EIF3E: variants seen among roughly 807,000 people sequenced by gnomAD.
EIF3E encodes the protein eIF-3 p48.
A neutral mutation model predicts 59.3 loss-of-function variants in EIF3E; 25 were observed. That is an observed-to-expected ratio of 0.42 (90% CI 0.31 to 0.59). The LOEUF is 0.59. Among genes scored for constraint, EIF3E ranks in the 20% least tolerant of loss-of-function variants. EIF3E has a pLI of 0.15. For synonymous variants in EIF3E, 176 were observed against 170.2 expected (o/e 1.03, Z -0.26); for missense variants, 317 against 534.3 (o/e 0.59, Z 4.01).
intron 6 of EIF3E, among the ~76,000 whole-genome samples, 172 bp from the exon 7 acceptor site, chr8:108,228,563 T>G (rs930786985): frequency 2.6e-5 from 4 of 152,194 alleles, no homozygotes; most frequent in Admixed American, 6.5e-5. Flanking sequence ...ACATGATCCC[T>G]CGACATTCCA....
Position 108,228,362 on chromosome 8 carries a change from C to A in EIF3E, c.627G>T (p.Gln209His). ...ACCAGTGAATGAGCCATGTTCTCTG[C>A]TGAAGAGACTGAAGTGGAGAACTCA... is the stretch of plus-strand genomic sequence containing the variant. ...NSVSSPLQSL[Q>H]QRTWLIHWSL... is the part of the protein sequence containing the mutation. Residue 209 changes from glutamine (Q) to histidine (H), a missense_variant, in exon 7 of 13, where the codon CAG (glutamine) becomes CAT (histidine). Coordinates refer to ENST00000220849, the MANE Select transcript of EIF3E (RefSeq NM_001568.3). 1.3e-6 allele frequency: 2 copies of A among 1,581,142 alleles called. No homozygotes were observed. The highest frequency in any genetic ancestry group is 8.6e-7 in the Non-Finnish European group (1 of 1,163,662).
Position 108,225,315 on chromosome 8 carries a change from CTT to C in EIF3E, c.722+2950_722+2951del, listed in dbSNP as rs766948412. On this transcript the variant is annotated intron_variant, in intron 7 of 12. Transcript: ENST00000220849. Reference sequence around the variant, plus strand: ...GTATCAGCCACTGGGAGCTTGAAAGCTTTCCAATGCTTAAACCCGTTTCTATG... The same window carrying C: ...GTATCAGCCACTGGGAGCTTGAAAGCTCCAATGCTTAAACCCGTTTCTATG... Among the ~76,000 whole-genome samples, 51 of 151,510 alleles carry C rather than the reference CTT, an allele frequency of 3.4e-4. 1 individual carries two copies. The highest frequency in any genetic ancestry group is 6.3e-4 in the Non-Finnish European group (43 of 68,026).
At chr8:108,244,546 C>G (rs963929795) in intron 1 of EIF3E, among the ~76,000 whole-genome samples, 21 of 151,968 alleles carry the variant, frequency 1.4e-4, no homozygotes, top group African/African-American at 3.9e-4. Flanking sequence ...CCAAGAATTC[C>G]AACTTAAAAC....
chr8:108,214,820 GT>G, intron 9 of EIF3E, 104 bp from the exon 10 acceptor site: 1 of 969,038 alleles, frequency 1.0e-6, no homozygotes, highest in Non-Finnish European at 1.6e-6. Context: ...ACAATCATGA[GT>G]TTTATACCAC....
intron 7 of EIF3E, among the ~76,000 whole-genome samples, chr8:108,221,165 GAA>G (rs951639161): frequency 6.6e-6 from 1 of 151,590 alleles, no homozygotes; most frequent in Non-Finnish European, 1.5e-5. Context: ...ACACTTAACT[GAA>G]AAAAAAATTT....
At chr8:108,226,824 C>A (rs1318924297) in intron 7 of EIF3E, among the ~76,000 whole-genome samples, 4 of 152,160 alleles carry the variant, frequency 2.6e-5, no homozygotes, top group Non-Finnish European at 5.9e-5. Context: ...CCCCATGATT[C>A]CTCCCTCAGT....
At chr8:108,204,036 G>T (rs1010105784) in intron 10 of EIF3E, among the ~76,000 whole-genome samples, 2 of 151,972 alleles carry the variant, frequency 1.3e-5, no homozygotes, top group Non-Finnish European at 2.9e-5. Context: ...ACCCAGAGAT[G>T]ATTAAAAGTA....
chr8:108,238,575 C>A (rs1454329448), intron 3 of EIF3E, among the ~76,000 whole-genome samples: 1 of 152,136 alleles, frequency 6.6e-6, no homozygotes, highest in Non-Finnish European at 1.5e-5. Context: ...TATTTTCAAT[C>A]TGCAGTTGGC....
intron 10 of EIF3E, among the ~76,000 whole-genome samples, chr8:108,210,082 C>T (rs997356388): frequency 9.3e-5 from 14 of 150,096 alleles, no homozygotes; most frequent in Non-Finnish European, 1.6e-4. Flanking sequence ...ATCAAAATCA[C>T]TTAGAGGACC....
intron 1 of EIF3E, chr8:108,242,291 C>T (rs1213439181): frequency 1.5e-6 from 2 of 1,290,674 alleles, no homozygotes; most frequent in Admixed American, 2.3e-5. Flanking sequence ...TTCTCCACAT[C>T]CAGGTAATCA....
chr8:108,240,941 C>A lies in EIF3E; in HGVS notation c.205+858G>T, dbSNP rs1054557485. 2.6e-5 allele frequency among the ~76,000 whole-genome samples: 4 copies of A among 151,640 alleles called. No individual in the cohort carries two copies. The East Asian group carries it at 7.8e-4, about 29-fold the overall frequency. On this transcript the variant is annotated intron_variant, in intron 2 of 12. Coordinates refer to ENST00000220849, the MANE Select transcript of EIF3E (RefSeq NM_001568.3). ...CTTACAGTGAGCCGAGATCGCACCACTGCACTCCAGCCCGGGCAACACAGC... is the reference window on the plus strand; with the variant it reads ...CTTACAGTGAGCCGAGATCGCACCAATGCACTCCAGCCCGGGCAACACAGC...
Position 108,235,064 on chromosome 8 carries a change from T to G in EIF3E, c.405A>C (p.Ala135=), listed in dbSNP as rs376289399. ...QEYLDTLYRY[A]KFQYECGNYS... ...AATTCCCACATTCGTACTGGAATTT[T>G]GCATATCTGTAGAGTGTATCTAAAT... is the stretch of plus-strand genomic sequence containing the variant. The change falls in exon 5 of 13, where the codon GCA becomes GCC. Residue 135 remains alanine, a synonymous_variant. Transcript: ENST00000220849. 1 of 1,599,364 alleles carries G rather than the reference T, an allele frequency of 6.3e-7. No homozygotes were observed. Among genetic ancestry groups the G allele is most frequent in the African/African-American group, 1.4e-5 (1 of 73,860 alleles).
At chr8:108,237,071 C>A (rs864166) in intron 3 of EIF3E, among the ~76,000 whole-genome samples, 14 of 151,964 alleles carry the variant, frequency 9.2e-5, no homozygotes, top group African/African-American at 3.4e-4. Context: ...ATATACATGA[C>A]AGCTATGCTA....
chr8:108,204,754 G>T (rs796879369), intron 10 of EIF3E, among the ~76,000 whole-genome samples: 16,239 of 100,920 alleles, frequency 0.16, 1,295 homozygotes, highest in African/African-American at 0.25. Flanking sequence ...TATAGAGAGA[G>T]AGAGAGAGAG....
intron 7 of EIF3E, chr8:108,227,993 T>C (rs1045046921): frequency 3.9e-6 from 1 of 258,752 alleles, no homozygotes; most frequent in African/African-American, 2.2e-5. Context: ...AATTTAGTTC[T>C]AGGGTGAGTC....
chr8:108,231,953 T>G (rs930717666), intron 5 of EIF3E: 5 of 152,002 alleles, frequency 3.3e-5, no homozygotes, highest in African/African-American at 1.2e-4. Context: ...CAGATCATAG[T>G]TACAATAGCT....
intron 5 of EIF3E, chr8:108,233,290 G>A (rs1277402163): frequency 6.6e-6 from 1 of 152,098 alleles, no homozygotes; most frequent in Non-Finnish European, 1.5e-5. Context: ...AAAAAGTGAA[G>A]TTGTCTATGC....
At chr8:108,248,470 CAGA>C in intron 1 of EIF3E, 140 bp downstream of exon 1, 2 of 736,294 alleles carry the variant, frequency 2.7e-6, no homozygotes, top group South Asian at 3.5e-5. Flanking sequence ...GCTAAACTAC[CAGA>C]AGATCCTTAG....
chr8:108,240,763 C>T (rs1249539300), intron 2 of EIF3E, among the ~76,000 whole-genome samples: 3 of 152,074 alleles, frequency 2.0e-5, no homozygotes, highest in Admixed American at 6.5e-5. Context: ...GGGCTGATCA[C>T]GAGGTCAGGA....
Sources: allele counts gnomAD v4.1 joint callset (sites outside exome capture counted in the v4.1 genomes callset), GRCh38; gene constraint gnomAD v4.1.1; transcripts MANE v1.5; gene names NCBI Gene and HGNC (gene_info 2026-07-23, HGNC 2026-07-21).